Variants in PBX1 observed in about 807,000 individuals in gnomAD.
The protein encoded by PBX1 is PBX homeobox 1, also known as pre-B-cell leukemia transcription factor 1.
Under a neutral mutation model 53.4 loss-of-function variants are expected in PBX1, and 6 were observed. That is an observed-to-expected ratio of 0.11 (90% CI 0.06 to 0.22). The LOEUF (loss-of-function observed/expected upper bound fraction) is 0.22, where lower values mean the gene tolerates loss of function less well. Among genes scored for constraint, PBX1 ranks in the 10% least tolerant of loss-of-function variants. The pLI is 1.00. For missense variants in PBX1, 251 were observed against 551.4 expected (o/e 0.46, Z 5.46); for synonymous variants, 204 against 212.3 (o/e 0.96, Z 0.34).
chr1:164,854,541 G>A (rs901962831), downstream of PBX1, among the ~76,000 whole-genome samples: 5 of 151,990 alleles, frequency 3.3e-5, no homozygotes, highest in African/African-American at 1.2e-4. Context: ...CTGCTTTGGG[G>A]AGTTCCCTCT....
At chr1:164,741,739 A>AGAGTGTGT (rs1553238859) in intron 2 of PBX1, among the ~76,000 whole-genome samples, 20 of 140,910 alleles carry the variant, frequency 1.4e-4, no homozygotes, top group East Asian at 8.6e-4. Context: ...TGTATGAGTG[A>AGAGTGTGT]GTGTGTGTGT....
intron 8 of PBX1, among the ~76,000 whole-genome samples, chr1:164,832,451 C>T (rs1194493399): frequency 6.6e-6 from 1 of 152,094 alleles, no homozygotes; most frequent in African/African-American, 2.4e-5. Flanking sequence ...AGATAGTGAC[C>T]CAGTGATCAT....
chr1:164,647,372 A>G lies in PBX1; in HGVS notation c.265+84061A>G, dbSNP rs545469024. On this transcript the variant is annotated intron_variant, in intron 2 of 8. Coordinates refer to ENST00000420696, the MANE Select transcript of PBX1 (RefSeq NM_002585.4). Reference sequence around the variant, plus strand: ...GACCCCAGAGCCACCACTACAGCCAAAGGAGGAAAATCGTAAAGACTGCAG... The same window carrying G: ...GACCCCAGAGCCACCACTACAGCCAGAGGAGGAAAATCGTAAAGACTGCAG... Among the ~76,000 whole-genome samples the G allele has an allele frequency of 1.5e-3, 232 of 152,226 alleles. 3 individuals carry two copies. The highest frequency in any genetic ancestry group is 1.3e-3 in the Non-Finnish European group (88 of 68,000).
chr1:164,578,346 G>T (rs574791298), intron 2 of PBX1, among the ~76,000 whole-genome samples: 1 of 152,298 alleles, frequency 6.6e-6, no homozygotes, highest in East Asian at 1.9e-4. Context: ...TCCACAGGTT[G>T]TATAGTGAAA....
chr1:164,784,069 T>A (rs572243887), intron 2 of PBX1, among the ~76,000 whole-genome samples: 1 of 152,264 alleles, frequency 6.6e-6, no homozygotes, highest in East Asian at 1.9e-4. Context: ...AAGGAAACTG[T>A]TCCTTGTATC....
intron 2 of PBX1, among the ~76,000 whole-genome samples, chr1:164,712,112 T>C (rs1164369294): frequency 6.8e-6 from 1 of 147,908 alleles, no homozygotes; most frequent in Non-Finnish European, 1.5e-5. Context: ...GAGGGGCCAC[T>C]TCATTATGCC....
Position 164,788,757 on chromosome 1 carries a change from C to CT in PBX1, c.266-3737_266-3736insT, listed in dbSNP as rs571993964. 1.5e-5 allele frequency among the ~76,000 whole-genome samples: 2 copies of CT among 137,708 alleles called. 1 individual carries two copies. The highest frequency in any genetic ancestry group is 5.4e-5 in the African/African-American group (2 of 36,862). 90.3% of individuals were successfully genotyped at this position (137,708 alleles called of 152,430 possible). On this transcript the variant is annotated intron_variant, in intron 2 of 8. Transcript: ENST00000420696. ...GGTTTTTCTACCCGCCGCCCTCCCC[C>CT]CCCCGCCCTTTTCTTTTCATTCTTT... is the stretch of plus-strand genomic sequence containing the variant.
intron 2 of PBX1, among the ~76,000 whole-genome samples, chr1:164,752,136 G>A (rs542259686): frequency 1.1e-4 from 16 of 151,784 alleles, no homozygotes; most frequent in African/African-American, 2.7e-4. Flanking sequence ...AGATTTTAAC[G>A]TGGCTACCAA....
intron 2 of PBX1, among the ~76,000 whole-genome samples, chr1:164,573,848 G>A (rs1654041604): frequency 6.6e-6 from 1 of 152,220 alleles, no homozygotes; most frequent in African/African-American, 2.4e-5. Flanking sequence ...CACATGAGTA[G>A]TATCTACCAT....
intron 2 of PBX1, among the ~76,000 whole-genome samples, chr1:164,874,077 C>T (rs1672446172): frequency 6.6e-6 from 1 of 151,574 alleles, no homozygotes; most frequent in Non-Finnish European, 1.5e-5. Context: ...TGATTGTTGG[C>T]TTGAAAACAA....
intron 2 of PBX1, among the ~76,000 whole-genome samples, chr1:164,791,657 C>A (rs1668512922): frequency 6.6e-6 from 1 of 151,730 alleles, no homozygotes; most frequent in African/African-American, 2.4e-5. Flanking sequence ...GAGTGCACAA[C>A]CACAGACTTA....
chr1:164,560,091 G>T (rs1247158684), intron 1 of PBX1, 78 bp downstream of exon 1: 34 of 1,052,840 alleles, frequency 3.2e-5, no homozygotes, highest in Non-Finnish European at 4.3e-5. Flanking sequence ...AATGGGAACC[G>T]AATCACCACA....
intron 2 of PBX1, among the ~76,000 whole-genome samples, chr1:164,743,010 G>A (rs1361419703): frequency 6.6e-6 from 1 of 152,122 alleles, no homozygotes; most frequent in African/African-American, 2.4e-5. Context: ...TGCTGAAATG[G>A]GGTCAGTTCC....
chr1:164,650,576 T>G (rs1045888226), intron 2 of PBX1, among the ~76,000 whole-genome samples: 1 of 152,166 alleles, frequency 6.6e-6, no homozygotes, highest in African/African-American at 2.4e-5. Context: ...TTAGTCTGTT[T>G]ACAGTCTGCA....
intron 6 of PBX1, chr1:164,813,075 T>C (rs1184489868): frequency 6.6e-6 from 1 of 152,168 alleles, no homozygotes; most frequent in East Asian, 1.9e-4. Flanking sequence ...ACAAACCTAA[T>C]GTCTAACATT....
At chr1:164,790,961 GA>G (rs148886451) in intron 2 of PBX1, among the ~76,000 whole-genome samples, 8,188 of 152,172 alleles carry the variant, frequency 0.054, 351 homozygotes, top group African/African-American at 0.12. Context: ...ACTCTGCCAT[GA>G]AAACAGCTCT....
At chr1:164,620,495 A>C (rs188499090) in intron 2 of PBX1, among the ~76,000 whole-genome samples, 2 of 151,994 alleles carry the variant, frequency 1.3e-5, no homozygotes, top group East Asian at 3.9e-4. Context: ...TGTGTGTGCA[A>C]TCTTTTTTCT....
rs1671711256 is a variant in PBX1, at chr1:164,849,242, G to T, written c.*2566G>T. On this transcript the variant is annotated 3_prime_UTR_variant, in exon 9 of 9. Transcript: ENST00000420696. The stretch of plus-strand genomic sequence containing the variant: ...AAAAGATCAGAACAGGGCTACATTT[G>T]CACAGGCAGTTTCTCTCCGGGCCGT... The T allele has an allele frequency of 6.6e-7, 1 of 1,514,356 alleles. No individual in the cohort carries two copies. The highest frequency in any genetic ancestry group is 8.8e-7 in the Non-Finnish European group (1 of 1,134,226). 93.8% of individuals were successfully genotyped at this position (1,514,356 alleles called of 1,614,324 possible).
chr1:164,643,664 G>A (rs1463293052), intron 2 of PBX1, among the ~76,000 whole-genome samples: 5 of 152,194 alleles, frequency 3.3e-5, no homozygotes. Flanking sequence ...GGATACTTAT[G>A]ACATGCTGGG....
Sources: allele counts gnomAD v4.1 joint callset (sites outside exome capture counted in the v4.1 genomes callset), GRCh38; gene constraint gnomAD v4.1.1; transcripts MANE v1.5; gene names NCBI Gene and HGNC (gene_info 2026-07-23, HGNC 2026-07-21).